SMCHD1: variants seen among roughly 807,000 people sequenced by gnomAD.
SMCHD1 encodes structural maintenance of chromosomes flexible hinge domain-containing protein 1.
Under a neutral mutation model 254.7 loss-of-function variants are expected in SMCHD1, and 78 were observed. That is an observed-to-expected ratio of 0.31 (90% CI 0.26 to 0.37). The LOEUF (loss-of-function observed/expected upper bound fraction) is 0.37. Among genes scored for constraint, SMCHD1 ranks in the 10% least tolerant of loss-of-function variants. The probability of loss-of-function intolerance (pLI) is 1.00; values close to 1 mark genes in which losing one functional copy is unlikely to be tolerated. For synonymous variants in SMCHD1, 766 were observed against 794.9 expected (o/e 0.96, Z 0.61); for missense variants, 1,840 against 2,408.1 (o/e 0.76, Z 4.94).
intron 44 of SMCHD1, among the ~76,000 whole-genome samples, chr18:2,782,291 G>A (rs2076168739): frequency 6.6e-6 from 1 of 152,152 alleles, no homozygotes; most frequent in South Asian, 2.1e-4. Context: ...GTAGAATCAA[G>A]GTTGAGGGAG....
Position 2,770,604 on chromosome 18 carries a change from T to A in SMCHD1, c.4966+496T>A, listed in dbSNP as rs143840727. ...ATTCACAGAAAGTTTGCTGCAGTTT[T>A]GTTTTGTTTAGTTTTGTTTTCTGTT... On this transcript the variant is annotated intron_variant, in intron 39 of 47. Coordinates refer to ENST00000320876, the MANE Select transcript of SMCHD1 (RefSeq NM_015295.3). Among the ~76,000 whole-genome samples, 161 of 152,254 alleles carry A rather than the reference T, an allele frequency of 1.1e-3. 1 individual carries two copies. Among genetic ancestry groups the A allele is most frequent in the African/African-American group, 3.8e-3 (156 of 41,558 alleles).
At chr18:2,664,669 C>T (rs926541698) in intron 1 of SMCHD1, among the ~76,000 whole-genome samples, 1 of 152,134 alleles carries the variant, frequency 6.6e-6, no homozygotes, top group African/African-American at 2.4e-5. Context: ...CTGGGAGGCA[C>T]GTGATGTGTG....
rs969131412 is a variant in SMCHD1, at chr18:2,740,801, A to T, written c.3613A>T (p.Asn1205Tyr). The part of the protein sequence containing the change: ...SIAGVGLDSS[N>Y]LKTTFQENTQ... ...TGCTGGGGTTGGACTTGATAGCTCA[A>T]ATTTGAAAACAACCTTTCAGGTATG... Residue 1205 changes from asparagine to tyrosine, a missense_variant, in exon 28 of 48, where the codon AAT becomes TAT. Physicochemically the swap from Asn to Tyr is moderately radical, Grantham distance 143. Around this residue, in one of 9 missense-constraint regions of SMCHD1, gnomAD observed 881 missense variants for 1,009.5 expected, o/e 0.87. Coordinates refer to ENST00000320876, the MANE Select transcript of SMCHD1 (RefSeq NM_015295.3). 6.2e-7 allele frequency: 1 copy of T among 1,605,582 alleles called. No individual in the cohort carries two copies. Among genetic ancestry groups the T allele is most frequent in the Non-Finnish European group, 8.5e-7 (1 of 1,174,472 alleles).
intron 10 of SMCHD1, among the ~76,000 whole-genome samples, 174 bp from the exon 11 acceptor site, chr18:2,700,365 G>A (rs1049467633): frequency 6.6e-6 from 1 of 152,196 alleles, no homozygotes; most frequent in African/African-American, 2.4e-5. Flanking sequence ...ACTTCTAAAT[G>A]ACAGACAGCA....
intron 41 of SMCHD1, among the ~76,000 whole-genome samples, chr18:2,773,826 G>A (rs1383218258): frequency 1.3e-5 from 2 of 152,136 alleles, no homozygotes; most frequent in Non-Finnish European, 2.9e-5. Context: ...AGGAGGCTGA[G>A]GCAGAAGAAT....
chr18:2,706,441 TAAAAA>T lies in SMCHD1; in HGVS notation c.2036_2040del (p.Lys679IlefsTer5). The stretch of plus-strand genomic sequence containing the variant: ...ATAGGACAGTTGCTGAGAAAGCTGT[TAAAAA>T]ATATGTAGAAGATGAAATGGCAAGG... On this transcript the variant is annotated frameshift_variant, in exon 15 of 48. Coordinates refer to ENST00000320876, the MANE Select transcript of SMCHD1 (RefSeq NM_015295.3). LOFTEE classifies it high-confidence loss of function. 1 of 1,589,948 alleles carries T rather than the reference TAAAAA, an allele frequency of 6.3e-7. No homozygotes were observed. Among genetic ancestry groups the T allele is most frequent in the Non-Finnish European group, 8.6e-7 (1 of 1,167,500 alleles).
intron 25 of SMCHD1, among the ~76,000 whole-genome samples, chr18:2,734,661 T>TTTTTTTTCTA (rs2075211178): frequency 6.6e-6 from 1 of 151,238 alleles, no homozygotes; most frequent in Non-Finnish European, 1.5e-5. Flanking sequence ...CTTTTTTTTT[T>TTTTTTTTCTA]TTAATACAAT....
Position 2,750,489 on chromosome 18 carries a change from G to A in SMCHD1, c.4147G>A (p.Ala1383Thr). The A allele has an allele frequency of 6.2e-7, 1 of 1,604,260 alleles. No individual in the cohort carries two copies. Among genetic ancestry groups the A allele is most frequent in the Non-Finnish European group, 8.5e-7 (1 of 1,174,724 alleles). ...VKYDKDASFL[A>T]GGLFTDFMIS... ...ATATGACAAAGATGCATCCTTCTTA[G>A]CAGGGGGTCTTTTCACTGGTGAGTA... The change falls in exon 32 of 48, where the codon GCA becomes ACA. Residue 1383 changes from alanine to threonine, a missense_variant. By Grantham distance (58) the Ala-to-Thr change is moderately conservative. Transcript: ENST00000320876.
chr18:2,718,681 G>A lies in SMCHD1; in HGVS notation c.2458+247G>A, dbSNP rs1167812767. Among the ~76,000 whole-genome samples the A allele has an allele frequency of 3.3e-5, 5 of 151,850 alleles. No homozygotes were observed. Among genetic ancestry groups the A allele is most frequent in the African/African-American group, 1.2e-4 (5 of 41,412 alleles). ...AGTGATTTTCCTGCCTCAGCCTCCCGAGTAGCTGGGATTACAGGCGCCCGC... is the reference window on the plus strand; with the variant it reads ...AGTGATTTTCCTGCCTCAGCCTCCCAAGTAGCTGGGATTACAGGCGCCCGC... On this transcript the variant is annotated intron_variant, in intron 19 of 47. Coordinates refer to ENST00000320876, the MANE Select transcript of SMCHD1 (RefSeq NM_015295.3). The surrounding 1 kb of genome is among the most constrained non-coding windows in gnomAD (Gnocchi z 4.6).
chr18:2,710,315 G>A (rs1292872564), intron 17 of SMCHD1, among the ~76,000 whole-genome samples: 1 of 152,196 alleles, frequency 6.6e-6, no homozygotes, highest in Non-Finnish European at 1.5e-5. Flanking sequence ...TTTAAAATGA[G>A]GAGGTGTGAG....
intron 28 of SMCHD1, among the ~76,000 whole-genome samples, chr18:2,742,060 A>G (rs2075360847): frequency 6.6e-6 from 1 of 152,070 alleles, no homozygotes; most frequent in Admixed American, 6.5e-5. Context: ...GCTCTGTTCT[A>G]CCTGACCAAA....
At chr18:2,659,495 C>T (rs2073179420) in intron 1 of SMCHD1, among the ~76,000 whole-genome samples, 2 of 152,116 alleles carry the variant, frequency 1.3e-5, no homozygotes, top group Admixed American at 6.5e-5. Context: ...TGCAAGAAGC[C>T]CTTAGACCTC....
chr18:2,734,999 G>A (rs542722067), intron 25 of SMCHD1, among the ~76,000 whole-genome samples: 8 of 151,930 alleles, frequency 5.3e-5, no homozygotes, highest in Middle Eastern at 3.4e-3. Flanking sequence ...GAACCCGAGA[G>A]TCAGAGGTTG....
intron 17 of SMCHD1, among the ~76,000 whole-genome samples, chr18:2,711,515 C>T (rs2074670872): frequency 7.3e-6 from 1 of 137,124 alleles, no homozygotes; most frequent in Non-Finnish European, 1.5e-5. Flanking sequence ...CGGAGTCTCG[C>T]TCTGTCGCCC....
intron 41 of SMCHD1, among the ~76,000 whole-genome samples, chr18:2,775,193 C>G (rs1393829884): frequency 1.3e-5 from 2 of 149,128 alleles, no homozygotes; most frequent in Non-Finnish European, 3.0e-5. Context: ...ATCCTCCTTC[C>G]TCAGCCTCCT....
At chr18:2,705,581 A>G (rs1400995477) in intron 13 of SMCHD1, 113 bp from the exon 14 acceptor site, 1 of 456,034 alleles carries the variant, frequency 2.2e-6, no homozygotes, top group East Asian at 3.3e-5. Flanking sequence ...AATGATAGTT[A>G]CCAAGGTTTT....
rs1405437938 is a variant in SMCHD1 at position 2,662,174 on chromosome 18, A to AT, written c.187-3983_187-3982insT. Reference sequence around the variant, plus strand: ...GAGCGAGACTCCGTCTCAAAAAAAAAAAAATAAAATAAATAAATAAATAAA... The same window carrying AT: ...GAGCGAGACTCCGTCTCAAAAAAAAATAAAATAAAATAAATAAATAAATAAA... On this transcript the variant is annotated intron_variant, in intron 1 of 47. Transcript: ENST00000320876. 4.0e-3 allele frequency among the ~76,000 whole-genome samples: 359 copies of AT among 90,414 alleles called. 12 individuals are homozygous for AT. Among genetic ancestry groups the AT allele is most frequent in the African/African-American group, 0.016 (193 of 12,394 alleles). 59.3% of individuals were successfully genotyped at this position (90,414 alleles called of 152,430 possible).
chr18:2,750,608 T>C, intron 32 of SMCHD1, 101 bp downstream of exon 32: 1 of 932,386 alleles, frequency 1.1e-6, no homozygotes. Flanking sequence ...CAGTCTAATG[T>C]AGGAGACAGG....
At chr18:2,742,868 GGTCTTACTGT>G (rs1274683363) in intron 28 of SMCHD1, among the ~76,000 whole-genome samples, 1 of 152,008 alleles carries the variant, frequency 6.6e-6, no homozygotes, top group Non-Finnish European at 1.5e-5. Context: ...GTAGAGACGG[GGTCTTACTGT>G]GTTGCCCAGG....
Sources: allele counts gnomAD v4.1 joint callset (sites outside exome capture counted in the v4.1 genomes callset), GRCh38; gene constraint gnomAD v4.1.1; regional missense constraint gnomAD v4.1.1; non-coding constraint Gnocchi (gnomAD v3.1); transcripts MANE v1.5; gene names NCBI Gene and HGNC (gene_info 2026-07-23, HGNC 2026-07-21).